Variants in WTIP observed in about 807,000 individuals in gnomAD.
WTIP encodes Wilms tumor protein 1-interacting protein.
A neutral mutation model predicts 41.7 loss-of-function variants in WTIP; 23 were observed. The observed-to-expected ratio is 0.55, with a 90% confidence interval of 0.40 to 0.78. WTIP has a LOEUF of 0.78. WTIP is among the 30% of genes least tolerant of loss of function. The pLI is 0.00. For missense variants in WTIP, 619 were observed against 610.5 expected, an observed-to-expected ratio of 1.01 and a Z score of -0.15; for synonymous variants, 314 against 269.9, an observed-to-expected ratio of 1.16 and a Z score of -1.60.
At chr19:34,489,237 C>G (rs974688938) in intron 1 of WTIP, among the ~76,000 whole-genome samples, 1 of 145,266 alleles carries the variant, frequency 6.9e-6, no homozygotes, top group African/African-American at 2.5e-5. Context: ...CATCTAACGC[C>G]GTAGCACTCG....
At position 34,506,018 on chromosome 19, in the gene WTIP, T is replaced by C. The variant is rs995102602; in HGVS notation, c.*5749T>C. The C allele has an allele frequency of 2.6e-5, 4 of 152,380 alleles. No homozygotes were observed. Among genetic ancestry groups the C allele is most frequent in the African/African-American group, 9.6e-5 (4 of 41,564 alleles). 9.4% of individuals were successfully genotyped at this position (152,380 alleles called of 1,614,324 possible). Reference sequence around the variant, plus strand: ...AGGACTTCTCGTCCCTGAGAACAGATTGGGGCTGGGAGTCCCAGCCCGTCC... The same window carrying C: ...AGGACTTCTCGTCCCTGAGAACAGACTGGGGCTGGGAGTCCCAGCCCGTCC... On this transcript the variant is annotated 3_prime_UTR_variant, in exon 8 of 8. Transcript: ENST00000590071.
chr19:34,488,153 G>A (rs2075807310), intron 1 of WTIP, among the ~76,000 whole-genome samples: 1 of 151,728 alleles, frequency 6.6e-6, no homozygotes, highest in African/African-American at 2.4e-5. Context: ...TTAGCTCACT[G>A]CAACCTCCGC....
At chr19:34,482,813 A>G in intron 1 of WTIP, 172 bp downstream of exon 1, 1 of 982,800 alleles carries the variant, frequency 1.0e-6, no homozygotes, top group African/African-American at 1.7e-5. Flanking sequence ...TGGGGAGCGC[A>G]AAGGGTGAGT....
rs1235510230 is a variant in WTIP, at chr19:34,492,603, C to T, written c.770-434C>T. Among the ~76,000 whole-genome samples the T allele has an allele frequency of 3.3e-5, 5 of 150,422 alleles. No homozygotes were observed. The East Asian group carries it at 5.9e-4, about 18-fold the overall frequency. ...ACTTGGGAGGGTGAGGCAGGAGAAT[C>T]GCTTGAACCCGGGAGTCAGAGGTTG... On this transcript the variant is annotated intron_variant, in intron 2 of 7. Transcript: ENST00000590071.
intron 6 of WTIP, among the ~76,000 whole-genome samples, chr19:34,495,366 C>T (rs1486863330): frequency 6.6e-6 from 1 of 152,052 alleles, no homozygotes; most frequent in African/African-American, 2.4e-5. Flanking sequence ...CACTGCACTC[C>T]AGCATGGGCA....
rs1350208286 is a variant in WTIP, at chr19:34,500,883, G to A, written c.*614G>A. 6.6e-6 allele frequency: 1 copy of A among 152,506 alleles called. No homozygotes were observed. Among genetic ancestry groups the A allele is most frequent in the African/African-American group, 2.4e-5 (1 of 41,448 alleles). The allele number at this position is 152,506 out of a possible 1,614,324, so 9.4% of individuals were successfully genotyped here. On this transcript the variant is annotated 3_prime_UTR_variant, in exon 8 of 8. Coordinates refer to ENST00000590071, the MANE Select transcript of WTIP (RefSeq NM_001080436.2). ...GTGGTGTCTGTGGGAATTGGTCCTG[G>A]GGACTTTGATGGGTGTTTGCGGCCC...
In WTIP at chr19:34,501,833, C is replaced by A. The variant is rs1489219141; in HGVS notation, c.*1564C>A. 2.0e-5 allele frequency: 3 copies of A among 152,712 alleles called. No homozygotes were observed. Among genetic ancestry groups the A allele is most frequent in the Admixed American group, 2.0e-4 (3 of 15,282 alleles). 9.5% of individuals were successfully genotyped at this position (152,712 alleles called of 1,614,324 possible). A position where few individuals can be genotyped will look rare whatever the true frequency, so the allele number is the denominator to read the frequency against. Reference sequence around the variant, plus strand: ...AGAGCGCTGCATCTTAGAGTGGGGCCTTCAGCAGGACCAGGGGCCACTTCT... The same window carrying A: ...AGAGCGCTGCATCTTAGAGTGGGGCATTCAGCAGGACCAGGGGCCACTTCT... On this transcript the variant is annotated 3_prime_UTR_variant, in exon 8 of 8. Coordinates refer to ENST00000590071, the MANE Select transcript of WTIP (RefSeq NM_001080436.2).
intron 1 of WTIP, among the ~76,000 whole-genome samples, chr19:34,482,968 A>G (rs1438886856): frequency 6.7e-6 from 1 of 148,216 alleles, no homozygotes; most frequent in Non-Finnish European, 1.5e-5. Context: ...ATTTTCTGAT[A>G]ATTTTTTCTT....
chr19:34,487,235 A>G (rs1232941117), intron 1 of WTIP, among the ~76,000 whole-genome samples: 1 of 151,554 alleles, frequency 6.6e-6, no homozygotes, highest in Non-Finnish European at 1.5e-5. Flanking sequence ...CTCCCAAGCA[A>G]CTGGGATTAG....
chr19:34,511,897 A>G lies in WTIP; in HGVS notation c.*11628A>G, dbSNP rs530407158. 45 of 152,336 alleles carry G rather than the reference A, an allele frequency of 3.0e-4. No individual in the cohort carries two copies. The highest frequency in any genetic ancestry group is 1.0e-3 in the African/African-American group (42 of 41,584). 9.4% of individuals were successfully genotyped at this position (152,336 alleles called of 1,614,324 possible). On this transcript the variant is annotated 3_prime_UTR_variant, in exon 8 of 8. Coordinates refer to ENST00000590071, the MANE Select transcript of WTIP (RefSeq NM_001080436.2). ...GAAGAACTTTTATTTCAAATTATGA[A>G]AGAAAAAAATACTTGCTAGAATTCT...
chr19:34,500,138 C>T lies in WTIP; in HGVS notation c.1162C>T (p.Leu388=). 1 of 1,600,052 alleles carries T rather than the reference C, an allele frequency of 6.2e-7. No individual in the cohort carries two copies. Among genetic ancestry groups the T allele is most frequent in the Non-Finnish European group, 8.5e-7 (1 of 1,179,736 alleles). ...VACYHCEDCG[L]QLSGEEGRRC... ...CTGTGTTCTTCCCTAGGACTGCGGG[C>T]TGCAGCTGAGCGGGGAGGAGGGACG... The change falls in exon 8 of 8, where the codon CTG becomes TTG. Residue 388 remains leucine, a synonymous_variant. Transcript: ENST00000590071.
At chr19:34,484,935 TAAAAA>T (rs34263232) in intron 1 of WTIP, among the ~76,000 whole-genome samples, 1 of 115,526 alleles carries the variant, frequency 8.7e-6, no homozygotes, top group Non-Finnish European at 1.8e-5. Flanking sequence ...GTCTTTTCTT[TAAAAA>T]AAAAAAAAAA....
In WTIP at chr19:34,505,055, C is replaced by T. The variant is rs1478089053; in HGVS notation, c.*4786C>T. On this transcript the variant is annotated 3_prime_UTR_variant, in exon 8 of 8. Coordinates refer to ENST00000590071, the MANE Select transcript of WTIP (RefSeq NM_001080436.2). ...CTGGAGGCTTTGCCCCCACCCCGCC[C>T]CCATGGTAGGCGTGTTCCCTAGAGG... The T allele has an allele frequency of 6.5e-6, 1 of 152,684 alleles. No homozygotes were observed. Among genetic ancestry groups the T allele is most frequent in the African/African-American group, 2.4e-5 (1 of 41,446 alleles). 9.5% of individuals were successfully genotyped at this position (152,684 alleles called of 1,614,324 possible).
rs542991992 is a variant in WTIP at position 34,501,798 on chromosome 19, C to G, written c.*1529C>G. 5 of 152,640 alleles carry G rather than the reference C, an allele frequency of 3.3e-5. No individual in the cohort carries two copies. The highest frequency in any genetic ancestry group is 4.1e-4 in the South Asian group (2 of 4,836). The allele number at this position is 152,640 out of a possible 1,614,324, so 9.5% of individuals were successfully genotyped here. A position where few individuals can be genotyped will look rare whatever the true frequency, so the allele number is the denominator to read the frequency against. On this transcript the variant is annotated 3_prime_UTR_variant, in exon 8 of 8. Coordinates refer to ENST00000590071, the MANE Select transcript of WTIP (RefSeq NM_001080436.2). Reference sequence around the variant, plus strand: ...TCAGGGAGCCTTAGCCAGGGACTTACACAGCGTGGAGAGCGCTGCATCTTA... The same window carrying G: ...TCAGGGAGCCTTAGCCAGGGACTTAGACAGCGTGGAGAGCGCTGCATCTTA...
intron 1 of WTIP, 189 bp downstream of exon 1, chr19:34,482,830 G>T: frequency 1.0e-6 from 1 of 971,696 alleles, no homozygotes; most frequent in Non-Finnish European, 1.2e-6. Flanking sequence ...GAGTGAGTGC[G>T]CCTGGATCCC....
Position 34,481,971 on chromosome 19 carries a change from G to A in WTIP, c.-4G>A. 1 of 1,004,676 alleles carries A rather than the reference G, an allele frequency of 1.0e-6. No individual in the cohort carries two copies. Among genetic ancestry groups the A allele is most frequent in the Non-Finnish European group, 1.2e-6 (1 of 844,074 alleles). The allele number at this position is 1,004,676 out of a possible 1,614,324, so 62.2% of individuals were successfully genotyped here. On this transcript the variant is annotated 5_prime_UTR_variant, in exon 1 of 8. Coordinates refer to ENST00000590071, the MANE Select transcript of WTIP (RefSeq NM_001080436.2). ...GTGACGCGCCAGGGCCGGCGGGCCG[G>A]GCCATGCAGCGCTCCAGGGCGGGCG...
At chr19:34,490,980 C>A (rs994684336) in intron 2 of WTIP, among the ~76,000 whole-genome samples, 1 of 151,780 alleles carries the variant, frequency 6.6e-6, no homozygotes, top group Admixed American at 6.6e-5. Flanking sequence ...CGTGCCACCA[C>A]GCTCGGCTAA....
At chr19:34,492,976 G>A in intron 2 of WTIP, 61 bp from the exon 3 acceptor site, 2 of 1,577,874 alleles carry the variant, frequency 1.3e-6, no homozygotes, top group Non-Finnish European at 1.7e-6. Context: ...AGAGCTGGAA[G>A]CACGGCTCCA....
chr19:34,500,166 G>C lies in WTIP; in HGVS notation c.1190G>C (p.Arg397Pro), dbSNP rs908049101. The change falls in exon 8 of 8, where the codon CGT (arginine) becomes CCT (proline). Residue 397 changes from arginine to proline, a missense_variant. By Grantham distance (103) the Arg-to-Pro change is moderately radical. Around this residue, in one of 3 missense-constraint regions of WTIP, gnomAD observed 92 missense variants for 82.4 expected, o/e 1.12. Coordinates refer to ENST00000590071, the MANE Select transcript of WTIP (RefSeq NM_001080436.2). The stretch of plus-strand genomic sequence containing the variant: ...CAGCTGAGCGGGGAGGAGGGACGCC[G>C]TTGCTATCCCCTGGCGGGCCACCTA... Reference protein sequence around the residue: ...GLQLSGEEGRRCYPLAGHLLC... With the variant: ...GLQLSGEEGRPCYPLAGHLLC... 6 of 1,602,058 alleles carry C rather than the reference G, an allele frequency of 3.7e-6. No homozygotes were observed. Among genetic ancestry groups the C allele is most frequent in the Non-Finnish European group, 5.1e-6 (6 of 1,179,786 alleles).
Sources: gnomAD v4.1 joint callset for allele counts (sites outside exome capture counted in the v4.1 genomes callset) on GRCh38, gnomAD v4.1.1 for gene constraint, gnomAD v4.1.1 regional missense constraint, MANE v1.5 for transcripts, NCBI Gene and HGNC (gene_info 2026-07-23, HGNC 2026-07-21) for gene names.